KBTBD6: variants seen among roughly 807,000 people sequenced by gnomAD.
KBTBD6 encodes the protein kelch repeat and BTB domain containing 6.
KBTBD6 carries 6 observed loss-of-function variants against 34.4 expected under a neutral mutation model. The ratio of observed to expected loss-of-function variants is 0.17; its 90% confidence interval spans 0.10 to 0.34. KBTBD6 has a LOEUF of 0.34. Among genes scored for constraint, KBTBD6 ranks in the 10% least tolerant of loss-of-function variants. The pLI is 1.00. For synonymous variants in KBTBD6, 288 were observed against 327.2 expected, an observed-to-expected ratio of 0.88 and a Z score of 1.29; for missense variants, 557 against 856.0, an observed-to-expected ratio of 0.65 and a Z score of 4.36.
In KBTBD6 at chr13:41,132,562, T is replaced by C. The variant is rs1024737121; in HGVS notation, c.-51A>G. Reference sequence around the variant, plus strand: ...GGCGAGAAACGCTGCAGGACCCGGCTCTGGCTCCTCCTCAACCTTCCCTCG... The same window carrying C: ...GGCGAGAAACGCTGCAGGACCCGGCCCTGGCTCCTCCTCAACCTTCCCTCG... On this transcript the variant is annotated 5_prime_UTR_variant, in exon 1 of 1. Transcript: ENST00000379485. The C allele has an allele frequency of 9.5e-6, 15 of 1,575,926 alleles. No individual in the cohort carries two copies. In the African/African-American group the frequency reaches 1.1e-4, roughly 11 times the overall value.
chr13:41,130,283 T>C lies in KBTBD6; in HGVS notation c.*204A>G. On this transcript the variant is annotated 3_prime_UTR_variant, in exon 1 of 1. Transcript: ENST00000379485. The surrounding 1 kb of genome is among the most constrained non-coding windows in gnomAD (Gnocchi z 4.8). ...ACTGGACCCTTAGCACAGAAAATTA[T>C]TAAAAGGTTGATTTGAGTGTTAAAA... is the stretch of plus-strand genomic sequence containing the variant. 2.0e-6 allele frequency: 1 copy of C among 510,754 alleles called. No individual in the cohort carries two copies. Among genetic ancestry groups the C allele is most frequent in the African/African-American group, 1.9e-5 (1 of 52,326 alleles). 31.6% of individuals were successfully genotyped at this position (510,754 alleles called of 1,614,324 possible).
chr13:41,132,716 G>C lies in KBTBD6; in HGVS notation c.-205C>G, dbSNP rs2030134609. ...GGCTGACTCACCCTCTCTCACTCCC[G>C]CGTCCTTTCTCCGCGTCTGCTCGCC... On this transcript the variant is annotated 5_prime_UTR_variant, in exon 1 of 1. Transcript: ENST00000379485. 3.1e-6 allele frequency: 2 copies of C among 641,108 alleles called. No individual in the cohort carries two copies. Among genetic ancestry groups the C allele is most frequent in the South Asian group, 2.2e-5 (1 of 44,818 alleles). The allele number at this position is 641,108 out of a possible 1,614,324, so 39.7% of individuals were successfully genotyped here. A position where few individuals can be genotyped will look rare whatever the true frequency, so the allele number is the denominator to read the frequency against.
chr13:41,132,344 G>T lies in KBTBD6; in HGVS notation c.168C>A (p.Phe56Leu). 1 of 1,614,250 alleles carries T rather than the reference G, an allele frequency of 6.2e-7. No homozygotes were observed. The highest frequency in any genetic ancestry group is 8.5e-7 in the Non-Finnish European group (1 of 1,180,050). Residue 56 changes from phenylalanine (F) to leucine (L), a missense_variant, in exon 1 of 1, where the codon TTC (phenylalanine) becomes TTA (leucine). Around this residue, in one of 4 missense-constraint regions of KBTBD6, gnomAD observed 108 missense variants for 209.6 expected, o/e 0.52. Coordinates refer to ENST00000379485, the MANE Select transcript of KBTBD6 (RefSeq NM_152903.5). ...CATCACACAGCAGCCGCGCATCGTA[G>T]AAGGACTTGAGCTGTGCCAGCAGGG... Reference protein sequence around the residue: ...SAALLAQLKSFYDARLLCDVT... With the variant: ...SAALLAQLKSLYDARLLCDVT...
chr13:41,131,969 A>G lies in KBTBD6; in HGVS notation c.543T>C (p.Asp181=), dbSNP rs370365822. 36 of 1,614,284 alleles carry G rather than the reference A, an allele frequency of 2.2e-5. 1 individual carries two copies. In the South Asian group the frequency reaches 3.7e-4, roughly 17 times the overall value. Residue 181 remains aspartate, a synonymous_variant, in exon 1 of 1, where the codon GAT becomes GAC. Transcript: ENST00000379485. The surrounding 1 kb of genome is among the most constrained non-coding windows in gnomAD (Gnocchi z 5.8). ...TNCTAILKFA[D]AFGHRKLRSQ... ...ATCGCAGCTTGCGATGGCCAAAGGCATCTGCAAACTTGAGGATGGCGGTGC... is the reference window on the plus strand; with the variant it reads ...ATCGCAGCTTGCGATGGCCAAAGGCGTCTGCAAACTTGAGGATGGCGGTGC...
Position 41,128,497 on chromosome 13 carries a change from C to T in KBTBD6, c.*1990G>A, listed in dbSNP as rs1434980341. The T allele has an allele frequency of 1.0e-5, 4 of 397,354 alleles. No homozygotes were observed. The highest frequency in any genetic ancestry group is 8.2e-5 in the African/African-American group (4 of 48,602). The allele number at this position is 397,354 out of a possible 1,614,324, so 24.6% of individuals were successfully genotyped here. ...AAAACAAAGACTGGAGCATGGTTTA[C>T]AGAGAAATACAAAACACATACAAAC... On this transcript the variant is annotated 3_prime_UTR_variant, in exon 1 of 1. Coordinates refer to ENST00000379485, the MANE Select transcript of KBTBD6 (RefSeq NM_152903.5).
Position 41,130,301 on chromosome 13 carries a change from T to G in KBTBD6, c.*186A>C. ...AAAATTATTAAAAGGTTGATTTGAG[T>G]GTTAAAATTTGTAACATTAAATTAC... On this transcript the variant is annotated 3_prime_UTR_variant, in exon 1 of 1. Coordinates refer to ENST00000379485, the MANE Select transcript of KBTBD6 (RefSeq NM_152903.5). This position sits in a 1 kb window ranked among gnomAD's most constrained non-coding sequence, Gnocchi z 4.8. 1.9e-6 allele frequency: 1 copy of G among 532,430 alleles called. No homozygotes were observed. The highest frequency in any genetic ancestry group is 3.2e-5 in the South Asian group (1 of 31,396). The allele number at this position is 532,430 out of a possible 1,614,324, so 33.0% of individuals were successfully genotyped here. A position where few individuals can be genotyped will look rare whatever the true frequency, so the allele number is the denominator to read the frequency against.
rs773161485 is a variant in KBTBD6 at position 41,130,641 on chromosome 13, T to G, written c.1871A>C (p.Glu624Ala). 8 of 1,614,180 alleles carry G rather than the reference T, an allele frequency of 5.0e-6. No individual in the cohort carries two copies. In the East Asian group the frequency reaches 1.8e-4, roughly 36 times the overall value. Residue 624 changes from glutamate (E) to alanine (A), a missense_variant, in exon 1 of 1, where the codon GAA (glutamate) becomes GCA (alanine). Around this residue, in one of 4 missense-constraint regions of KBTBD6, gnomAD observed 309 missense variants for 504.5 expected, o/e 0.61. Transcript: ENST00000379485. The surrounding 1 kb of genome is among the most constrained non-coding windows in gnomAD (Gnocchi z 4.8). ...TTCAGTGAGGAAACTCTGACCAGGT[T>G]CAAGGCAGGAAGGATAAACACGAGC... ...LSARVYPSCL[E>A]PGQSFLTEEE...
chr13:41,132,644 A>G lies in KBTBD6; in HGVS notation c.-133T>C. ...ACAGCAGCACGAGCCCATTTACTGA[A>G]TTCAACCCTACCCCGCAGAACCGCC... On this transcript the variant is annotated 5_prime_UTR_variant, in exon 1 of 1. Transcript: ENST00000379485. The G allele has an allele frequency of 9.4e-7, 1 of 1,066,016 alleles. No homozygotes were observed. Among genetic ancestry groups the G allele is most frequent in the Non-Finnish European group, 1.4e-6 (1 of 739,600 alleles). The allele number at this position is 1,066,016 out of a possible 1,614,324, so 66.0% of individuals were successfully genotyped here.
chr13:41,132,646 T>C lies in KBTBD6; in HGVS notation c.-135A>G. On this transcript the variant is annotated 5_prime_UTR_variant, in exon 1 of 1. Transcript: ENST00000379485. ...AGCAGCACGAGCCCATTTACTGAATTCAACCCTACCCCGCAGAACCGCCTC... is the reference window on the plus strand; with the variant it reads ...AGCAGCACGAGCCCATTTACTGAATCCAACCCTACCCCGCAGAACCGCCTC... 9.5e-7 allele frequency: 1 copy of C among 1,057,412 alleles called. No homozygotes were observed. The highest frequency in any genetic ancestry group is 1.6e-5 in the South Asian group (1 of 62,696). 65.5% of individuals were successfully genotyped at this position (1,057,412 alleles called of 1,614,324 possible).
Position 41,130,445 on chromosome 13 carries a change from G to A in KBTBD6, c.*42C>T. ...TCCAAAACAGTAAAAACAACTTAGT[G>A]TTTCAATCTAGTTACAACAAACCCT... On this transcript the variant is annotated 3_prime_UTR_variant, in exon 1 of 1. Transcript: ENST00000379485. This position sits in a 1 kb window ranked among gnomAD's most constrained non-coding sequence, Gnocchi z 4.8. The A allele has an allele frequency of 7.2e-7, 1 of 1,398,320 alleles. No homozygotes were observed. Among genetic ancestry groups the A allele is most frequent in the Non-Finnish European group, 9.8e-7 (1 of 1,016,414 alleles). The allele number at this position is 1,398,320 out of a possible 1,614,324, so 86.6% of individuals were successfully genotyped here.
chr13:41,130,477 C>A lies in KBTBD6; in HGVS notation c.*10G>T. 1 of 1,589,244 alleles carries A rather than the reference C, an allele frequency of 6.3e-7. No individual in the cohort carries two copies. On this transcript the variant is annotated 3_prime_UTR_variant, in exon 1 of 1. Transcript: ENST00000379485. This position sits in a 1 kb window ranked among gnomAD's most constrained non-coding sequence, Gnocchi z 4.8. ...TCTAGTTACAACAAACCCTGTTGATCCTGTGCATTTCACTGAGGCGCTACA... is the reference window on the plus strand; with the variant it reads ...TCTAGTTACAACAAACCCTGTTGATACTGTGCATTTCACTGAGGCGCTACA...
rs775196306 is a variant in KBTBD6, at chr13:41,131,403, G to A, written c.1109C>T (p.Pro370Leu). 3 of 1,614,044 alleles carry A rather than the reference G, an allele frequency of 1.9e-6. No homozygotes were observed. Among genetic ancestry groups the A allele is most frequent in the Non-Finnish European group, 2.5e-6 (3 of 1,179,956 alleles). The change falls in exon 1 of 1, where the codon CCG becomes CTG. Residue 370 changes from proline to leucine, a missense_variant. Around this residue, in one of 4 missense-constraint regions of KBTBD6, gnomAD observed 309 missense variants for 504.5 expected, o/e 0.61. Transcript: ENST00000379485. This position sits in a 1 kb window ranked among gnomAD's most constrained non-coding sequence, Gnocchi z 5.8. ...GTGAGCCAGACAGGTCAAAGGTGAC[G>A]GCACTTTGTAAAGGTCCCCCGAGTA... ...DPYSGDLYKV[P>L]SPLTCLAHTR...
Position 41,132,770 on chromosome 13 carries a change from A to T in KBTBD6, c.-259T>A. 3.8e-6 allele frequency: 2 copies of T among 533,184 alleles called. No homozygotes were observed. Among genetic ancestry groups the T allele is most frequent in the Admixed American group, 3.3e-5 (1 of 30,036 alleles). The allele number at this position is 533,184 out of a possible 1,614,324, so 33.0% of individuals were successfully genotyped here. On this transcript the variant is annotated 5_prime_UTR_variant, in exon 1 of 1. Coordinates refer to ENST00000379485, the MANE Select transcript of KBTBD6 (RefSeq NM_152903.5). The stretch of plus-strand genomic sequence containing the variant: ...ACAGGACCCGCTGGCTTGGAGCCGC[A>T]GAAGCCGCTACTGCAGCGTGGGCGA...
rs756171412 is a variant in KBTBD6 at position 41,131,788 on chromosome 13, C to T, written c.724G>A (p.Val242Met). 25 of 1,614,158 alleles carry T rather than the reference C, an allele frequency of 1.5e-5. No individual in the cohort carries two copies. The highest frequency in any genetic ancestry group is 1.9e-5 in the Non-Finnish European group (23 of 1,180,068). Residue 242 changes from valine (V) to methionine (M), a missense_variant, in exon 1 of 1, where the codon GTG becomes ATG. Physicochemically the swap from Val to Met is conservative, Grantham distance 21 (BLOSUM62 1). Coordinates refer to ENST00000379485, the MANE Select transcript of KBTBD6 (RefSeq NM_152903.5). This position sits in a 1 kb window ranked among gnomAD's most constrained non-coding sequence, Gnocchi z 5.8. ...GCAGCCTCCAGCCACTGCACTGCCA[C>T]ATGGCACACTGTCTGCTCACTCTCC... ...DVESEQTVCH[V>M]AVQWLEAAPK...
rs1167370929 is a variant in KBTBD6, at chr13:41,130,044, C to T, written c.*443G>A. On this transcript the variant is annotated 3_prime_UTR_variant, in exon 1 of 1. Coordinates refer to ENST00000379485, the MANE Select transcript of KBTBD6 (RefSeq NM_152903.5). The surrounding 1 kb of genome is among the most constrained non-coding windows in gnomAD (Gnocchi z 4.8). ...AACTTATAACACATTTTGTAAAGAC[C>T]CCTTAGGTTAACCATTTTGGAAGTC... 6.5e-6 allele frequency: 1 copy of T among 153,362 alleles called. No individual in the cohort carries two copies. The highest frequency in any genetic ancestry group is 1.5e-5 in the Non-Finnish European group (1 of 68,962). 9.5% of individuals were successfully genotyped at this position (153,362 alleles called of 1,614,324 possible). A position where few individuals can be genotyped will look rare whatever the true frequency, so the allele number is the denominator to read the frequency against.
Position 41,131,272 on chromosome 13 carries a change from T to A in KBTBD6, c.1240A>T (p.Ser414Cys), listed in dbSNP as rs2030085520. 6.2e-7 allele frequency: 1 copy of A among 1,614,138 alleles called. No individual in the cohort carries two copies. Among genetic ancestry groups the A allele is most frequent in the South Asian group, 1.1e-5 (1 of 91,078 alleles). Residue 414 changes from serine to cysteine, a missense_variant, in exon 1 of 1, where the codon AGT becomes TGT. By Grantham distance (112) the Ser-to-Cys change is moderately radical. Transcript: ENST00000379485. The surrounding 1 kb of genome is among the most constrained non-coding windows in gnomAD (Gnocchi z 5.8). Reference sequence around the variant, plus strand: ...AAGCGATCTGCAAGTTGCTGCCAACTATTCTGAGCTGGTTTATACACCCAG... The same window carrying A: ...AAGCGATCTGCAAGTTGCTGCCAACAATTCTGAGCTGGTTTATACACCCAG... ...DLWVYKPAQN[S>C]WQQLADRLLC...
Position 41,132,773 on chromosome 13 carries a change from A to G in KBTBD6, c.-262T>C. 1 of 529,846 alleles carries G rather than the reference A, an allele frequency of 1.9e-6. No individual in the cohort carries two copies. Among genetic ancestry groups the G allele is most frequent in the Non-Finnish European group, 3.4e-6 (1 of 290,796 alleles). 32.8% of individuals were successfully genotyped at this position (529,846 alleles called of 1,614,324 possible). On this transcript the variant is annotated 5_prime_UTR_variant, in exon 1 of 1. Transcript: ENST00000379485. ...GGACCCGCTGGCTTGGAGCCGCAGA[A>G]GCCGCTACTGCAGCGTGGGCGACAA...
chr13:41,130,532 ACTTGAACTT>A lies in KBTBD6; in HGVS notation c.1971_1979del (p.Ser659_Ser661del). ...CCCAAAAATCATCATCAGAAAGAGA[ACTTGAACTT>A]CCTGACTCAGAGTCTGGCTCACTGA... On this transcript the variant is annotated inframe_deletion, in exon 1 of 1. Coordinates refer to ENST00000379485, the MANE Select transcript of KBTBD6 (RefSeq NM_152903.5). This position sits in a 1 kb window ranked among gnomAD's most constrained non-coding sequence, Gnocchi z 4.8. 6.2e-7 allele frequency: 1 copy of A among 1,614,144 alleles called. No homozygotes were observed. The highest frequency in any genetic ancestry group is 8.5e-7 in the Non-Finnish European group (1 of 1,180,004).
Position 41,130,381 on chromosome 13 carries a change from T to C in KBTBD6, c.*106A>G. ...ACCAAACCAGAAGTTAATCAACTTT[T>C]CCTCTCCTTTAGGAACAAAAAGGAT... is the stretch of plus-strand genomic sequence containing the variant. On this transcript the variant is annotated 3_prime_UTR_variant, in exon 1 of 1. Transcript: ENST00000379485. The surrounding 1 kb of genome is among the most constrained non-coding windows in gnomAD (Gnocchi z 4.8). 3.8e-6 allele frequency: 3 copies of C among 795,878 alleles called. No homozygotes were observed. The highest frequency in any genetic ancestry group is 3.9e-6 in the Non-Finnish European group (2 of 513,542). The allele number at this position is 795,878 out of a possible 1,614,324, so 49.3% of individuals were successfully genotyped here.
Sources: allele counts gnomAD v4.1 joint callset, GRCh38; gene constraint gnomAD v4.1.1; regional missense constraint gnomAD v4.1.1; non-coding constraint Gnocchi (gnomAD v3.1); transcripts MANE v1.5; gene names NCBI Gene and HGNC (gene_info 2026-07-23, HGNC 2026-07-21).